Variants in RBMS3 observed in about 807,000 individuals in gnomAD.
RBMS3 encodes RNA binding motif single stranded interacting protein 3.
Under a neutral mutation model 66.8 loss-of-function variants are expected in RBMS3, and 27 were observed. The ratio of observed to expected loss-of-function variants is 0.40; its 90% CI spans 0.30 to 0.56. RBMS3 has a LOEUF of 0.56. RBMS3 is among the 20% of genes least tolerant of loss of function. The pLI is 0.40. For synonymous variants in RBMS3, 188 were observed against 183.0 expected (o/e 1.03, Z -0.22); for missense variants, 513 against 549.5 (o/e 0.93, Z 0.66).
chr3:29,981,359 A>G (rs1697979259), intron 12 of RBMS3, among the ~76,000 whole-genome samples: 1 of 152,140 alleles, frequency 6.6e-6, no homozygotes, highest in Admixed American at 6.6e-5. Flanking sequence ...TAAATATACA[A>G]TCATGTCATC....
intron 2 of RBMS3, among the ~76,000 whole-genome samples, chr3:29,450,957 A>G (rs1054299283): frequency 4.0e-4 from 60 of 151,664 alleles, no homozygotes; most frequent in Non-Finnish European, 3.1e-4. Flanking sequence ...CATGGTGTCT[A>G]TATGCTTGTC....
chr3:29,933,027 C>T (rs2061170728), intron 10 of RBMS3, among the ~76,000 whole-genome samples: 1 of 152,098 alleles, frequency 6.6e-6, no homozygotes, highest in African/African-American at 2.4e-5. Context: ...TTCTTTGCAG[C>T]CCAAACATTG....
chr3:29,885,241 C>T (rs2059842376), intron 8 of RBMS3, among the ~76,000 whole-genome samples: 1 of 151,828 alleles, frequency 6.6e-6, no homozygotes, highest in Non-Finnish European at 1.5e-5. Context: ...AAAAAGTAAA[C>T]ATTAATGGTA....
At chr3:29,613,859 A>C (rs2048570270) in intron 4 of RBMS3, among the ~76,000 whole-genome samples, 1 of 152,090 alleles carries the variant, frequency 6.6e-6, no homozygotes, top group Non-Finnish European at 1.5e-5. Context: ...AGAAAAAAGA[A>C]CCCTGTACAC....
chr3:29,721,640 A>G (rs749823163), intron 4 of RBMS3, among the ~76,000 whole-genome samples: 1 of 152,126 alleles, frequency 6.6e-6, no homozygotes, highest in Non-Finnish European at 1.5e-5. Context: ...GCCTTATTCC[A>G]TGTTGTGGAT....
At chr3:29,801,470 A>AT (rs1394914995) in intron 6 of RBMS3, among the ~76,000 whole-genome samples, 7 of 151,578 alleles carry the variant, frequency 4.6e-5, no homozygotes, top group African/African-American at 1.7e-4. Flanking sequence ...ATTTCACCAT[A>AT]TTGGCCAGGC....
intron 4 of RBMS3, among the ~76,000 whole-genome samples, chr3:29,593,617 AAT>A (rs1398794245): frequency 6.6e-6 from 1 of 152,244 alleles, no homozygotes; most frequent in Admixed American, 6.5e-5. Flanking sequence ...TTTGTTTTGC[AAT>A]AAGATCAAAG....
chr3:29,943,825 C>T (rs1303588150), intron 11 of RBMS3, among the ~76,000 whole-genome samples: 3 of 151,468 alleles, frequency 2.0e-5, no homozygotes, highest in Admixed American at 6.6e-5. Flanking sequence ...TTTTGTTCTC[C>T]AGGACTTTGT....
intron 13 of RBMS3, among the ~76,000 whole-genome samples, chr3:29,990,028 C>A (rs1698723801): frequency 6.6e-6 from 1 of 152,022 alleles, no homozygotes. Context: ...AGAAATATTT[C>A]ATTGATAAAA....
At chr3:29,301,320 C>A (rs2033657643) in intron 1 of RBMS3, among the ~76,000 whole-genome samples, 1 of 151,954 alleles carries the variant, frequency 6.6e-6, no homozygotes, top group South Asian at 2.1e-4. Flanking sequence ...TCTATCTGTG[C>A]TATGCTCTAC....
At chr3:29,470,133 A>G (rs2042673096) in intron 2 of RBMS3, among the ~76,000 whole-genome samples, 1 of 151,356 alleles carries the variant, frequency 6.6e-6, no homozygotes, top group African/African-American at 2.4e-5. Context: ...TAGTATTTGT[A>G]TATAAATAAA....
rs759079889 is a variant in RBMS3 at position 29,963,828 on chromosome 3, C to CAAA, written c.1098+19589_1098+19591dup. Among the ~76,000 whole-genome samples the CAAA allele has an allele frequency of 8.0e-4, 97 of 121,586 alleles. 3 individuals carry two copies. The highest frequency in any genetic ancestry group is 2.3e-3 in the African/African-American group (72 of 31,746). 79.8% of individuals were successfully genotyped at this position (121,586 alleles called of 152,430 possible). On this transcript the variant is annotated intron_variant, in intron 12 of 14. Coordinates refer to ENST00000383767, the MANE Select transcript of RBMS3 (RefSeq NM_001003793.3). ...GGTGACAGAACCAGGCTGCCCCCTC[C>CAAA]AAAAAAAAAAAAAAAAAGTGTATTA... is the stretch of plus-strand genomic sequence containing the variant.
intron 4 of RBMS3, among the ~76,000 whole-genome samples, chr3:29,684,477 CCAA>C (rs2051627894): frequency 6.6e-6 from 1 of 152,004 alleles, no homozygotes; most frequent in African/African-American, 2.4e-5. Context: ...TCAATTAAAA[CCAA>C]CTGTGGTGGT....
intron 11 of RBMS3, among the ~76,000 whole-genome samples, chr3:29,936,398 T>C (rs74606648): frequency 0.013 from 2,007 of 152,202 alleles, 46 homozygotes; most frequent in African/African-American, 0.044. Flanking sequence ...AAGGCTAAAG[T>C]TCTATTGTGT....
intron 6 of RBMS3, among the ~76,000 whole-genome samples, chr3:29,840,593 T>C (rs2058637341): frequency 6.6e-6 from 1 of 152,034 alleles, no homozygotes; most frequent in Non-Finnish European, 1.5e-5. Flanking sequence ...AGTAGTTTTA[T>C]GGAAAAATTT....
chr3:29,451,993 G>A (rs1575852741), intron 2 of RBMS3, among the ~76,000 whole-genome samples: 2 of 143,962 alleles, frequency 1.4e-5, no homozygotes, highest in Admixed American at 8.2e-5. Flanking sequence ...AGTGTTATGA[G>A]GGATATTTTG....
chr3:29,954,024 G>T (rs1489678804), intron 12 of RBMS3, among the ~76,000 whole-genome samples: 1 of 151,322 alleles, frequency 6.6e-6, no homozygotes. Context: ...TGTTTTTATG[G>T]TCTTATAGCA....
chr3:29,711,147 G>A (rs928198644), intron 4 of RBMS3, among the ~76,000 whole-genome samples: 8 of 152,128 alleles, frequency 5.3e-5, no homozygotes, highest in Non-Finnish European at 1.2e-4. Context: ...CACAATAAGA[G>A]ATTAACTAAT....
intron 3 of RBMS3, among the ~76,000 whole-genome samples, chr3:29,549,715 C>G (rs1347778): frequency 0.14 from 21,644 of 151,804 alleles, 1,865 homozygotes; most frequent in African/African-American, 0.24. Flanking sequence ...AAAACATTAA[C>G]CAGAAAAAAT....
Sources: gnomAD v4.1 joint callset for allele counts (sites outside exome capture counted in the v4.1 genomes callset) on GRCh38, gnomAD v4.1.1 for gene constraint, MANE v1.5 for transcripts, NCBI Gene and HGNC (gene_info 2026-07-23, HGNC 2026-07-21) for gene names.